CYSLTR2: variants seen among roughly 807,000 people sequenced by gnomAD.
The protein encoded by CYSLTR2 is G-protein coupled receptor GPCR21.
For synonymous variants in CYSLTR2, 179 were observed against 160.8 expected (o/e 1.11, Z -0.86); for missense variants, 398 against 411.9 (o/e 0.97, Z 0.29).
chr13:48,655,643 T>C (rs1952980833), intron 1 of CYSLTR2, among the ~76,000 whole-genome samples: 1 of 152,232 alleles, frequency 6.6e-6, no homozygotes, highest in Non-Finnish European at 1.5e-5. Flanking sequence ...TTTAGTACCT[T>C]CTTTAATGAA....
chr13:48,674,104 G>C (rs968300289), intron 1 of CYSLTR2, among the ~76,000 whole-genome samples: 3 of 151,988 alleles, frequency 2.0e-5, no homozygotes, highest in Non-Finnish European at 4.4e-5. Flanking sequence ...TGTGTCTTGG[G>C]GTTGCTCTTA....
chr13:48,696,453 A>T (rs559989437), intron 3 of CYSLTR2, 73 bp from the exon 4 acceptor site: 1 of 152,304 alleles, frequency 6.6e-6, no homozygotes, highest in African/African-American at 2.4e-5. Context: ...TTTGGTGTCA[A>T]TTCTAAGAAC....
intron 1 of CYSLTR2, among the ~76,000 whole-genome samples, chr13:48,687,272 G>A (rs192187712): frequency 2.0e-5 from 3 of 152,174 alleles, no homozygotes; most frequent in Admixed American, 2.0e-4. Flanking sequence ...CCGACGGCCT[G>A]TTGTGGGACT....
intron 4 of CYSLTR2, among the ~76,000 whole-genome samples, chr13:48,703,719 G>T (rs1286105350): frequency 1.3e-5 from 2 of 152,026 alleles, no homozygotes; most frequent in African/African-American, 4.8e-5. Flanking sequence ...CCTCGTTTTG[G>T]TATCAGGGTA....
At chr13:48,654,252 TGTGTG>T (rs1952943838) in intron 1 of CYSLTR2, among the ~76,000 whole-genome samples, 1 of 55,240 alleles carries the variant, frequency 1.8e-5, no homozygotes, top group African/African-American at 3.9e-5. Context: ...ATCGTCCCTT[TGTGTG>T]TGTGTGTGTG....
intron 4 of CYSLTR2, among the ~76,000 whole-genome samples, chr13:48,705,324 A>T (rs1468874891): frequency 6.6e-6 from 1 of 152,152 alleles, no homozygotes; most frequent in Admixed American, 6.5e-5. Flanking sequence ...AGTGTTTGTT[A>T]TAGGCGGTAC....
Position 48,708,395 on chromosome 13 carries a change from GAGA to G in CYSLTR2, c.*540_*542del, listed in dbSNP as rs1435975222. On this transcript the variant is annotated 3_prime_UTR_variant, in exon 5 of 5. Coordinates refer to ENST00000682523, the MANE Select transcript of CYSLTR2 (RefSeq NM_001308476.3). ...AGTAAGGACAGTGAGAGAAAAGGGG[GAGA>G]AGGATTGGAGCAAAAGAGAACTGGC... 1.2e-5 allele frequency: 2 copies of G among 167,352 alleles called. No homozygotes were observed. The highest frequency in any genetic ancestry group is 4.8e-5 in the African/African-American group (2 of 41,458). The allele number at this position is 167,352 out of a possible 1,614,324, so 10.4% of individuals were successfully genotyped here.
At position 48,706,103 on chromosome 13, in the gene CYSLTR2, TCTC is replaced by T. The variant is rs200582585; in HGVS notation, c.-1-711_-1-709del. Among the ~76,000 whole-genome samples the T allele has an allele frequency of 5.2e-3, 784 of 151,778 alleles. 11 individuals carry two copies. The highest frequency in any genetic ancestry group is 0.017 in the African/African-American group (710 of 41,436). ...CTTCTGCCTCCCAGGTTCAGGCAATTCTCCTGCCTCAGCCTCCCGGGTAGCAGA... is the reference window on the plus strand; with the variant it reads ...CTTCTGCCTCCCAGGTTCAGGCAATTCTGCCTCAGCCTCCCGGGTAGCAGA... On this transcript the variant is annotated intron_variant, in intron 4 of 4. Coordinates refer to ENST00000682523, the MANE Select transcript of CYSLTR2 (RefSeq NM_001308476.3).
At chr13:48,679,334 G>T (rs1401085356) in intron 1 of CYSLTR2, among the ~76,000 whole-genome samples, 1 of 152,122 alleles carries the variant, frequency 6.6e-6, no homozygotes, top group Non-Finnish European at 1.5e-5. Context: ...CTTCCTCATA[G>T]AGCTTTGTCC....
intron 1 of CYSLTR2, among the ~76,000 whole-genome samples, chr13:48,672,860 C>T (rs1467587802): frequency 6.6e-6 from 1 of 152,076 alleles, no homozygotes; most frequent in African/African-American, 2.4e-5. Context: ...TTGTGATCTG[C>T]CTGCCTTGGC....
Position 48,707,342 on chromosome 13 carries a change from C to T in CYSLTR2, c.525C>T (p.Asp175=). Residue 175 remains aspartate, a synonymous_variant, in exon 5 of 5, where the codon GAC becomes GAT. Transcript: ENST00000682523. Reference sequence around the variant, plus strand: ...TGGCTTCCTCAATAATGCTCCTGGACAGTGGCTCTGAGCAGAACGGCAGTG... The same window carrying T: ...TGGCTTCCTCAATAATGCTCCTGGATAGTGGCTCTGAGCAGAACGGCAGTG... ...LIMASSIMLL[D]SGSEQNGSVT... is the part of the protein sequence containing the mutation. 6.2e-7 allele frequency: 1 copy of T among 1,614,104 alleles called. No individual in the cohort carries two copies. The highest frequency in any genetic ancestry group is 1.1e-5 in the South Asian group (1 of 91,084).
Position 48,707,026 on chromosome 13 carries a change from C to G in CYSLTR2, c.209C>G (p.Ser70Cys). Residue 70 changes from serine (S) to cysteine (C), a missense_variant, in exon 5 of 5, where the codon TCC (serine) becomes TGC (cysteine). Coordinates refer to ENST00000682523, the MANE Select transcript of CYSLTR2 (RefSeq NM_001308476.3). ...IYVFLQPYKK[S>C]TSVNVFMLNL... ...GTTTTCCTGCAGCCTTATAAGAAGT[C>G]CACATCTGTGAACGTTTTCATGCTA... 1.9e-6 allele frequency: 3 copies of G among 1,614,096 alleles called. No individual in the cohort carries two copies. Among genetic ancestry groups the G allele is most frequent in the Non-Finnish European group, 2.5e-6 (3 of 1,179,998 alleles).
At chr13:48,671,222 A>G (rs1953421107) in intron 1 of CYSLTR2, among the ~76,000 whole-genome samples, 1 of 152,246 alleles carries the variant, frequency 6.6e-6, no homozygotes, top group Admixed American at 6.5e-5. Context: ...TCATCTGCGA[A>G]CAGAAACAAT....
intron 1 of CYSLTR2, among the ~76,000 whole-genome samples, chr13:48,672,616 C>CTTTTTTTTTTTTTT (rs71076039): frequency 1.7e-5 from 2 of 120,130 alleles, no homozygotes; most frequent in Non-Finnish European, 3.4e-5. Flanking sequence ...CTTTTCTTTT[C>CTTTTTTTTTTTTTT]TTTTTTTTTT....
At chr13:48,672,851 T>G (rs1248917336) in intron 1 of CYSLTR2, among the ~76,000 whole-genome samples, 3 of 152,008 alleles carry the variant, frequency 2.0e-5, no homozygotes, top group Non-Finnish European at 1.5e-5. Flanking sequence ...CTCCTGACCT[T>G]GTGATCTGCC....
At chr13:48,654,531 G>T (rs985597278) in intron 1 of CYSLTR2, among the ~76,000 whole-genome samples, 1 of 151,934 alleles carries the variant, frequency 6.6e-6, no homozygotes, top group Non-Finnish European at 1.5e-5. Context: ...CATAGTTTGG[G>T]TCCTTCTATT....
chr13:48,691,558 TAGACA>T (rs756976272), intron 2 of CYSLTR2, among the ~76,000 whole-genome samples: 1 of 152,092 alleles, frequency 6.6e-6, no homozygotes, highest in Admixed American at 6.6e-5. Flanking sequence ...CTAGAACTCT[TAGACA>T]AGACAACTAT....
intron 1 of CYSLTR2, among the ~76,000 whole-genome samples, chr13:48,676,028 T>C (rs977812547): frequency 3.3e-5 from 5 of 152,192 alleles, no homozygotes; most frequent in African/African-American, 1.2e-4. Context: ...CAGTTGGAAA[T>C]GCAGAAATCA....
chr13:48,674,744 C>G (rs1357861811), intron 1 of CYSLTR2, among the ~76,000 whole-genome samples: 1 of 152,182 alleles, frequency 6.6e-6, no homozygotes, highest in Non-Finnish European at 1.5e-5. Context: ...CTGGTTTTTC[C>G]TCATCTTCAT....
Sources: gnomAD v4.1 joint callset for allele counts (sites outside exome capture counted in the v4.1 genomes callset) on GRCh38, gnomAD v4.1.1 for gene constraint, MANE v1.5 for transcripts, NCBI Gene and HGNC (gene_info 2026-07-23, HGNC 2026-07-21) for gene names.